STK31: variants seen among roughly 807,000 people sequenced by gnomAD.
The protein encoded by STK31 is serine/threonine-protein kinase 31.
STK31 carries 89 observed loss-of-function variants against 129.7 expected under a neutral mutation model. That is an observed-to-expected ratio of 0.69 (90% CI 0.58 to 0.82). STK31 has a LOEUF of 0.82. Among genes scored for constraint, STK31 ranks in the 40% least tolerant of loss-of-function variants. The pLI, the probability that STK31 is intolerant of heterozygous loss-of-function variation, is 0.00. For missense variants in STK31, 1,187 were observed against 1,176.4 expected (o/e 1.01, Z -0.13); for synonymous variants, 448 against 395.3 (o/e 1.13, Z -1.58).
At chr7:23,728,276 G>A (rs1042235811) in intron 5 of STK31, among the ~76,000 whole-genome samples, 1 of 151,728 alleles carries the variant, frequency 6.6e-6, no homozygotes, top group African/African-American at 2.4e-5. Context: ...TGTTTTTACT[G>A]AACCAGGGAA....
chr7:23,726,590 C>T (rs1278932207), intron 4 of STK31, among the ~76,000 whole-genome samples: 1 of 150,534 alleles, frequency 6.6e-6, no homozygotes, highest in Non-Finnish European at 1.5e-5. Context: ...GCACTCCAGG[C>T]CTGGCGACAG....
intron 16 of STK31, among the ~76,000 whole-genome samples, chr7:23,782,559 C>T (rs1791005687): frequency 6.6e-6 from 1 of 150,930 alleles, no homozygotes. Context: ...CTTTCTTTAG[C>T]AAATTCATCT....
Position 23,710,355 on chromosome 7 carries a change from G to A in STK31, c.50+20G>A, listed in dbSNP as rs371999402. On this transcript the variant is annotated intron_variant, in intron 1 of 23. Coordinates refer to ENST00000355870, the MANE Select transcript of STK31 (RefSeq NM_031414.5). ...TGTGAGGTCAGTAGTAGTTTTTGTG[G>A]TACGTGCAGTGGTGGCCGCTTCAAG... 1 of 1,613,460 alleles carries A rather than the reference G, an allele frequency of 6.2e-7. No homozygotes were observed.
Position 23,717,597 on chromosome 7 carries a change from A to G in STK31, c.249+18A>G. The G allele has an allele frequency of 6.4e-7, 1 of 1,569,444 alleles. No homozygotes were observed. Among genetic ancestry groups the G allele is most frequent in the Non-Finnish European group, 8.7e-7 (1 of 1,143,650 alleles). On this transcript the variant is annotated intron_variant, in intron 4 of 23. Coordinates refer to ENST00000355870, the MANE Select transcript of STK31 (RefSeq NM_031414.5). ...CAAACAAGGTGAGCCATATTCTTGA[A>G]TATAATTATTTCATTCCTCCTGTCA...
rs192908498 is a variant in STK31, at chr7:23,781,149, A to G, written c.1966-270A>G. Among the ~76,000 whole-genome samples the G allele has an allele frequency of 3.8e-3, 581 of 152,330 alleles. 3 individuals are homozygous for G. Among genetic ancestry groups the G allele is most frequent in the Non-Finnish European group, 5.5e-3 (373 of 68,026 alleles). ...AGTTGGCCATCTTTATCTTAGAGAAAATCTACAGCAGATGAAGAGACAAGA... is the reference window on the plus strand; with the variant it reads ...AGTTGGCCATCTTTATCTTAGAGAAGATCTACAGCAGATGAAGAGACAAGA... On this transcript the variant is annotated intron_variant, in intron 15 of 23. Transcript: ENST00000355870.
intron 8 of STK31, among the ~76,000 whole-genome samples, chr7:23,739,873 G>C (rs1787950882): frequency 6.6e-6 from 1 of 152,146 alleles, no homozygotes; most frequent in Non-Finnish European, 1.5e-5. Context: ...TTTGGTTACT[G>C]TAGCCTTGTA....
chr7:23,789,342 G>C (rs1791483039), intron 21 of STK31, among the ~76,000 whole-genome samples: 1 of 152,002 alleles, frequency 6.6e-6, no homozygotes, highest in South Asian at 2.1e-4. Flanking sequence ...TTTACTTTTT[G>C]AGGAGCCAAA....
intron 8 of STK31, among the ~76,000 whole-genome samples, chr7:23,738,837 C>G (rs564611353): frequency 1.3e-5 from 2 of 152,286 alleles, no homozygotes; most frequent in African/African-American, 2.4e-5. Context: ...AGGCATGAGC[C>G]ACTGTGCCCA....
intron 6 of STK31, among the ~76,000 whole-genome samples, chr7:23,730,878 A>ATTTTTTTTTT (rs60712892): frequency 1.0e-4 from 6 of 59,554 alleles, no homozygotes; most frequent in East Asian, 4.5e-4. Context: ...ATATATATAT[A>ATTTTTTTTTT]TTTTTTTTTT....
chr7:23,825,342 G>A (rs1456130903), intron 23 of STK31, among the ~76,000 whole-genome samples: 1 of 152,076 alleles, frequency 6.6e-6, no homozygotes, highest in Non-Finnish European at 1.5e-5. Context: ...TGTATGTGTC[G>A]AGGAATTCAA....
intron 4 of STK31, among the ~76,000 whole-genome samples, chr7:23,720,002 C>T (rs1395558097): frequency 1.3e-5 from 2 of 152,064 alleles, no homozygotes; most frequent in African/African-American, 4.8e-5. Context: ...CATTGTACAC[C>T]TTCTTAACAA....
Position 23,795,214 on chromosome 7 carries a change from A to G in STK31, c.2760+4268A>G, listed in dbSNP as rs995932508. Among the ~76,000 whole-genome samples the G allele has an allele frequency of 2.6e-5, 4 of 152,318 alleles. No homozygotes were observed. In the South Asian group the frequency reaches 8.3e-4, roughly 32 times the overall value. On this transcript the variant is annotated intron_variant, in intron 22 of 23. Coordinates refer to ENST00000355870, the MANE Select transcript of STK31 (RefSeq NM_031414.5). ...GGTCCCCCTGCTGTGTGCAGCCTTC[A>G]GACATGGTGCCCTGTGTCCCACCTG...
At chr7:23,718,564 G>T (rs776739992) in intron 4 of STK31, among the ~76,000 whole-genome samples, 1 of 151,994 alleles carries the variant, frequency 6.6e-6, no homozygotes, top group African/African-American at 2.4e-5. Context: ...CCATAGATTC[G>T]TATGTCTGTT....
intron 20 of STK31, among the ~76,000 whole-genome samples, chr7:23,787,324 T>C (rs1041594022): frequency 6.6e-6 from 1 of 152,180 alleles, no homozygotes; most frequent in Non-Finnish European, 1.5e-5. Flanking sequence ...GAGGCCCTGA[T>C]TCTTCTTATG....
chr7:23,802,459 C>T (rs1321134460), intron 22 of STK31, among the ~76,000 whole-genome samples: 1 of 152,058 alleles, frequency 6.6e-6, no homozygotes, highest in Non-Finnish European at 1.5e-5. Flanking sequence ...TGTAAAGAGG[C>T]TTGGGGGAAG....
chr7:23,761,412 G>A (rs923934849), intron 10 of STK31, among the ~76,000 whole-genome samples: 5 of 146,766 alleles, frequency 3.4e-5, no homozygotes, highest in Non-Finnish European at 7.5e-5. Flanking sequence ...TGATTGCCAT[G>A]TGGCCATATG....
At chr7:23,792,516 G>T (rs1233274781) in intron 22 of STK31, among the ~76,000 whole-genome samples, 1 of 152,134 alleles carries the variant, frequency 6.6e-6, no homozygotes, top group African/African-American at 2.4e-5. Context: ...AGAAGACATT[G>T]TATGGATATC....
chr7:23,745,751 C>T (rs886928439), intron 8 of STK31, among the ~76,000 whole-genome samples: 1 of 152,010 alleles, frequency 6.6e-6, no homozygotes, highest in African/African-American at 2.4e-5. Flanking sequence ...TGCAGTTTGG[C>T]CTCAGGTGTG....
intron 21 of STK31, 111 bp downstream of exon 21, chr7:23,788,240 G>A (rs1250036328): frequency 9.5e-6 from 9 of 948,502 alleles, no homozygotes; most frequent in Non-Finnish European, 1.3e-5. Flanking sequence ...TTTGTCTTCA[G>A]TTAAACTGTG....
Sources: allele counts gnomAD v4.1 joint callset (sites outside exome capture counted in the v4.1 genomes callset), GRCh38; gene constraint gnomAD v4.1.1; transcripts MANE v1.5; gene names NCBI Gene and HGNC (gene_info 2026-07-23, HGNC 2026-07-21).